The following GRID2 variants were observed in gnomAD, a reference collection of about 807,000 sequenced individuals.
GRID2 encodes the protein glutamate receptor ionotropic, delta-2.
GRID2 carries 33 observed loss-of-function variants against 114.8 expected under a neutral mutation model. The ratio of observed to expected loss-of-function variants is 0.29; its 90% CI spans 0.22 to 0.38. The LOEUF (loss-of-function observed/expected upper bound fraction) is 0.38. GRID2 is among the 10% of genes least tolerant of loss of function. The pLI is 1.00. For missense variants in GRID2, 1,184 were observed against 1,257.7 expected (o/e 0.94, Z 0.89); for synonymous variants, 505 against 449.9 (o/e 1.12, Z -1.55).
intron 2 of GRID2, among the ~76,000 whole-genome samples, chr4:92,874,964 C>T (rs966269090): frequency 3.3e-5 from 5 of 151,926 alleles, no homozygotes; most frequent in African/African-American, 1.2e-4. Context: ...ATTTTTTAAA[C>T]ATTTGTTTTA....
chr4:92,646,888 C>CTTTTTTTTTTTTTTTT (rs33921659), intron 2 of GRID2, among the ~76,000 whole-genome samples: 2 of 56,154 alleles, frequency 3.6e-5, no homozygotes, highest in African/African-American at 5.7e-5. Context: ...TCTTTGAATT[C>CTTTTTTTTTTTTTTTT]TTTTTTTTTT....
intron 2 of GRID2, among the ~76,000 whole-genome samples, chr4:92,741,630 C>T (rs1228671068): frequency 6.6e-6 from 1 of 152,202 alleles, no homozygotes; most frequent in African/African-American, 2.4e-5. Context: ...ACTTTCATGT[C>T]TGCAAGCCTT....
intron 2 of GRID2, among the ~76,000 whole-genome samples, chr4:93,082,668 A>G (rs1224751725): frequency 6.6e-6 from 1 of 152,196 alleles, no homozygotes. Context: ...CTGACATTAT[A>G]TGCTTTCTGG....
At chr4:93,156,082 C>A (rs1446286920) in intron 4 of GRID2, among the ~76,000 whole-genome samples, 1 of 151,176 alleles carries the variant, frequency 6.6e-6, no homozygotes, top group Non-Finnish European at 1.5e-5. Context: ...TCATATGTAT[C>A]CCATGAATAT....
intron 2 of GRID2, among the ~76,000 whole-genome samples, chr4:92,647,023 A>G (rs1731677505): frequency 1.3e-5 from 2 of 152,356 alleles, no homozygotes; most frequent in South Asian, 4.1e-4. Flanking sequence ...TTGTTCCCTA[A>G]AAAGCTAAAT....
At chr4:93,425,033 G>T (rs1358852690) in intron 10 of GRID2, among the ~76,000 whole-genome samples, 1 of 151,802 alleles carries the variant, frequency 6.6e-6, no homozygotes, top group African/African-American at 2.4e-5. Context: ...TTACTTTTCT[G>T]CTGAGATTTC....
intron 2 of GRID2, among the ~76,000 whole-genome samples, chr4:92,996,339 T>A (rs956302259): frequency 6.6e-6 from 1 of 152,012 alleles, no homozygotes; most frequent in Non-Finnish European, 1.5e-5. Flanking sequence ...CTTATTTCGA[T>A]GTTTGCTACT....
At chr4:93,764,368 G>A (rs1401829433) in intron 14 of GRID2, among the ~76,000 whole-genome samples, 1 of 152,158 alleles carries the variant, frequency 6.6e-6, no homozygotes, top group Admixed American at 6.5e-5. Context: ...GAAATGAGAT[G>A]TCCGTGTCAG....
chr4:92,985,225 AT>A lies in GRID2; in HGVS notation c.245-99754del, dbSNP rs778500467. Among the ~76,000 whole-genome samples the A allele has an allele frequency of 2.9e-3, 415 of 141,102 alleles. 1 individual carries two copies. Among genetic ancestry groups the A allele is most frequent in the African/African-American group, 5.6e-3 (214 of 38,542 alleles). The allele number at this position is 141,102 out of a possible 152,430, so 92.6% of individuals were successfully genotyped here. On this transcript the variant is annotated intron_variant, in intron 2 of 15. Transcript: ENST00000282020. ...ATATATTTAATCCAAAATAAGGGTA[AT>A]TTTTTTTTTTTTTTTGAGACGGAGT... is the stretch of plus-strand genomic sequence containing the variant.
At chr4:92,921,945 G>A (rs937717362) in intron 2 of GRID2, among the ~76,000 whole-genome samples, 2 of 152,208 alleles carry the variant, frequency 1.3e-5, no homozygotes, top group African/African-American at 4.8e-5. Context: ...GCCCCCAGAG[G>A]TGGAGTCTAC....
At position 92,903,365 on chromosome 4, in the gene GRID2, A is replaced by G. The variant is rs141186187; in HGVS notation, c.245-181630A>G. 4.6e-3 allele frequency among the ~76,000 whole-genome samples: 695 copies of G among 152,044 alleles called. 7 individuals are homozygous for G. Among genetic ancestry groups the G allele is most frequent in the African/African-American group, 0.015 (605 of 41,550 alleles). ...TGCAAAGTAAGTAAATTAATATCCA[A>G]TGCTCCTAGATTTTCCATAACCTTT... is the stretch of plus-strand genomic sequence containing the variant. On this transcript the variant is annotated intron_variant, in intron 2 of 15. Transcript: ENST00000282020.
At chr4:93,697,255 ATAAT>A (rs938833444) in intron 14 of GRID2, among the ~76,000 whole-genome samples, 2 of 152,174 alleles carry the variant, frequency 1.3e-5, no homozygotes, top group African/African-American at 4.8e-5. Context: ...GTAATGGGAA[ATAAT>A]TCTTTTCTGA....
At chr4:93,637,645 A>G (rs1053111971) in intron 14 of GRID2, among the ~76,000 whole-genome samples, 5 of 152,154 alleles carry the variant, frequency 3.3e-5, no homozygotes, top group South Asian at 2.1e-4. Flanking sequence ...GGAGGGAGAG[A>G]TCCATCTGAA....
At chr4:92,611,686 T>G in intron 2 of GRID2, among the ~76,000 whole-genome samples, 1 of 151,656 alleles carries the variant, frequency 6.6e-6, no homozygotes, top group East Asian at 1.9e-4. Context: ...CTTCACATTT[T>G]TGCCACTTTT....
chr4:92,524,738 A>T (rs1475109808), intron 1 of GRID2, among the ~76,000 whole-genome samples: 3 of 151,966 alleles, frequency 2.0e-5, no homozygotes, highest in Admixed American at 1.3e-4. Context: ...AGGGGCTCAG[A>T]GAGTGGGAGT....
At chr4:93,526,112 A>T (rs1730867098) in intron 13 of GRID2, among the ~76,000 whole-genome samples, 1 of 152,128 alleles carries the variant, frequency 6.6e-6, no homozygotes, top group Non-Finnish European at 1.5e-5. Context: ...TGTAATCCCC[A>T]TGTGTCAGGG....
intron 2 of GRID2, among the ~76,000 whole-genome samples, chr4:92,872,878 A>T (rs1745372729): frequency 6.6e-6 from 1 of 152,216 alleles, no homozygotes; most frequent in African/African-American, 2.4e-5. Context: ...GCTGTTTTGA[A>T]ATAATGCGGT....
intron 2 of GRID2, among the ~76,000 whole-genome samples, chr4:92,794,629 G>A (rs1029511778): frequency 2.0e-5 from 3 of 151,454 alleles, no homozygotes; most frequent in African/African-American, 7.3e-5. Flanking sequence ...AAAGTAAACA[G>A]ACGTTTGTCC....
At chr4:92,413,336 T>A (rs79443112) in intron 1 of GRID2, among the ~76,000 whole-genome samples, 1,573 of 152,252 alleles carry the variant, frequency 0.01, 24 homozygotes, top group African/African-American at 0.031. Context: ...TAGTTTTTTT[T>A]AAAAATGATC....
Sources: allele counts gnomAD v4.1 joint callset (sites outside exome capture counted in the v4.1 genomes callset), GRCh38; gene constraint gnomAD v4.1.1; transcripts MANE v1.5; gene names NCBI Gene and HGNC (gene_info 2026-07-23, HGNC 2026-07-21).